The following BLOC1S1 variants were observed in gnomAD, a reference collection of about 807,000 sequenced individuals.
BLOC1S1 encodes the protein biogenesis of lysosome-related organelles complex 1 subunit 1.
Under a neutral mutation model 19.0 loss-of-function variants are expected in BLOC1S1, and 11 were observed. That is an observed-to-expected ratio of 0.58 (90% CI 0.37 to 0.96). The LOEUF (loss-of-function observed/expected upper bound fraction) is 0.96, where lower values mean the gene tolerates loss of function less well. Among genes scored for constraint, BLOC1S1 ranks in the 40% least tolerant of loss-of-function variants. The probability of loss-of-function intolerance (pLI) is 0.01; values close to 1 mark genes in which losing one functional copy is unlikely to be tolerated. For synonymous variants in BLOC1S1, 94 were observed against 76.4 expected (o/e 1.23, Z -1.20); for missense variants, 220 against 195.9 (o/e 1.12, Z -0.73).
chr12:55,719,701 G>A lies in BLOC1S1; in HGVS notation c.*92G>A, dbSNP rs17117921. 4,371 of 1,078,616 alleles carry A rather than the reference G, an allele frequency of 4.1e-3. 125 individuals are homozygous for A. The African/African-American group carries it at 0.059, about 15-fold the overall frequency. The allele number at this position is 1,078,616 out of a possible 1,614,324, so 66.8% of individuals were successfully genotyped here. A position where few individuals can be genotyped will look rare whatever the true frequency, so the allele number is the denominator to read the frequency against. ...AGCCTTGAATAAAACACAAGCCTCC[G>A]TTTCTCTGTGGTGTGTTTCAGAGAG... On this transcript the variant is annotated 3_prime_UTR_variant, in exon 4 of 4. Coordinates refer to ENST00000548925, the MANE Select transcript of BLOC1S1 (RefSeq NM_001487.4).
intron 3 of BLOC1S1, 96 bp downstream of exon 3, chr12:55,719,319 G>C: frequency 1.3e-6 from 2 of 1,593,726 alleles, no homozygotes; most frequent in Non-Finnish European, 1.7e-6. Context: ...AGGAAGTAGG[G>C]TGGTCCCAGA....
chr12:55,716,410 C>G, intron 1 of BLOC1S1: 1 of 1,386,168 alleles, frequency 7.2e-7, no homozygotes, highest in South Asian at 1.6e-5. Context: ...GTCCCCTCGG[C>G]AACGCCCCCA....
rs773196609 is a variant in BLOC1S1 at position 55,719,088 on chromosome 12, C to T, written c.219-3C>T. The T allele has an allele frequency of 3.6e-5, 58 of 1,613,628 alleles. No individual in the cohort carries two copies. Among genetic ancestry groups the T allele is most frequent in the Non-Finnish European group, 4.8e-5 (57 of 1,179,732 alleles). ...TGATCTCCTCCCTCCTCCAACCCCC[C>T]AGTGTGGCCCAGGCCTACATGAACC... On this transcript the variant is annotated splice_polypyrimidine_tract_variant and splice_region_variant and intron_variant, in intron 2 of 3. Coordinates refer to ENST00000548925, the MANE Select transcript of BLOC1S1 (RefSeq NM_001487.4).
rs780881380 is a variant in BLOC1S1, at chr12:55,716,133, A to T, written c.82A>T (p.Thr28Ser). 1.2e-6 allele frequency: 2 copies of T among 1,611,308 alleles called. No homozygotes were observed. Among genetic ancestry groups the T allele is most frequent in the Non-Finnish European group, 1.7e-6 (2 of 1,178,716 alleles). ...CGTACCCAGCCCCCAGCCCGACGTG[A>T]CCATGCTGTCCCGCCTCCTAAAAGA... ...PGVPSPQPDV[T>S]MLSRLLKEHQ... The change falls in exon 1 of 4, where the codon ACC (threonine) becomes TCC (serine). Residue 28 changes from threonine (T) to serine (S), a missense_variant. Physicochemically the swap from Thr to Ser is moderately conservative, Grantham distance 58. Transcript: ENST00000548925.
intron 3 of BLOC1S1, 32 bp from the exon 4 acceptor site, chr12:55,719,467 C>G: frequency 1.9e-6 from 3 of 1,596,318 alleles, no homozygotes; most frequent in Non-Finnish European, 2.6e-6. Flanking sequence ...CATTCTGATT[C>G]CTGGGCTCCC....
chr12:55,719,021 A>G (rs1876775041), intron 2 of BLOC1S1, 70 bp from the exon 3 acceptor site: 1 of 1,549,054 alleles, frequency 6.5e-7, no homozygotes, highest in Non-Finnish European at 8.7e-7. Flanking sequence ...CACTGCTGCA[A>G]TGGAATATTA....
chr12:55,719,680 T>TCCC lies in BLOC1S1; in HGVS notation c.*71_*72insCCC. ...GGGGAAGGAGGGAGGCTGACAAGCCTTGAATAAAACACAAGCCTCCGTTTC... is the reference window on the plus strand; with the variant it reads ...GGGGAAGGAGGGAGGCTGACAAGCCTCCCTGAATAAAACACAAGCCTCCGTTTC... On this transcript the variant is annotated 3_prime_UTR_variant, in exon 4 of 4. Transcript: ENST00000548925. 1 of 1,326,008 alleles carries TCCC rather than the reference T, an allele frequency of 7.5e-7. No individual in the cohort carries two copies. Among genetic ancestry groups the TCCC allele is most frequent in the Non-Finnish European group, 1.1e-6 (1 of 930,264 alleles). 82.1% of individuals were successfully genotyped at this position (1,326,008 alleles called of 1,614,324 possible). A position where few individuals can be genotyped will look rare whatever the true frequency, so the allele number is the denominator to read the frequency against.
intron 2 of BLOC1S1, 94 bp downstream of exon 2, chr12:55,717,099 G>A (rs1876617903): frequency 2.9e-6 from 3 of 1,044,686 alleles, no homozygotes; most frequent in Non-Finnish European, 4.1e-6. Flanking sequence ...TGTTGAAGGG[G>A]TGGGATGTTC....
intron 3 of BLOC1S1, 64 bp downstream of exon 3, chr12:55,719,287 T>C: frequency 6.2e-7 from 1 of 1,612,446 alleles, no homozygotes; most frequent in South Asian, 1.1e-5. Flanking sequence ...TCCAGTCAGG[T>C]TACCTCAGGT....
At chr12:55,718,627 G>A (rs1876750734) in intron 2 of BLOC1S1, among the ~76,000 whole-genome samples, 1 of 152,124 alleles carries the variant, frequency 6.6e-6, no homozygotes, top group African/African-American at 2.4e-5. Context: ...TTCCTGGGGA[G>A]GGGGTTTGTA....
chr12:55,718,051 T>A (rs1308145284), intron 2 of BLOC1S1, among the ~76,000 whole-genome samples: 2 of 152,194 alleles, frequency 1.3e-5, no homozygotes, highest in Non-Finnish European at 2.9e-5. Flanking sequence ...GGCCTTTCCC[T>A]CTTCTTTTCC....
At chr12:55,716,547 C>CA in intron 1 of BLOC1S1, 1 of 1,216,068 alleles carries the variant, frequency 8.2e-7, no homozygotes, top group South Asian at 2.1e-5. Context: ...GGGAACCCCC[C>CA]AGAGATGGGC....
intron 1 of BLOC1S1, chr12:55,716,513 C>A: frequency 3.2e-6 from 4 of 1,253,368 alleles, no homozygotes; most frequent in Non-Finnish European, 4.0e-6. Context: ...CGGGAAGGAG[C>A]GACTCTGGAG....
At chr12:55,716,776 C>T (rs1876578190) in intron 1 of BLOC1S1, 157 bp from the exon 2 acceptor site, 20 of 1,279,780 alleles carry the variant, frequency 1.6e-5, no homozygotes, top group Non-Finnish European at 2.0e-5. Flanking sequence ...AAAGAGGTTG[C>T]GCTATGTTTT....
chr12:55,718,219 C>A (rs1267959100), intron 2 of BLOC1S1, among the ~76,000 whole-genome samples: 2 of 152,252 alleles, frequency 1.3e-5, no homozygotes, highest in Admixed American at 6.5e-5. Flanking sequence ...TGCCCACTCC[C>A]TCAGCCCCCA....
intron 1 of BLOC1S1, 58 bp downstream of exon 1, chr12:55,716,254 G>C (rs1287838733): frequency 3.2e-6 from 5 of 1,556,966 alleles, no homozygotes; most frequent in Non-Finnish European, 4.3e-6. Context: ...CTTCAGCCCG[G>C]AGCCTGGATC....
intron 3 of BLOC1S1, 54 bp downstream of exon 3, chr12:55,719,277 T>C (rs1876794070): frequency 1.2e-6 from 2 of 1,613,388 alleles, no homozygotes; most frequent in Admixed American, 1.7e-5. Context: ...ATTGGCTGCC[T>C]CCAGTCAGGT....
In BLOC1S1 at chr12:55,719,636, C is replaced by T; in HGVS notation, c.*27C>T. 1 of 1,588,314 alleles carries T rather than the reference C, an allele frequency of 6.3e-7. No individual in the cohort carries two copies. Among genetic ancestry groups the T allele is most frequent in the Non-Finnish European group, 8.6e-7 (1 of 1,157,182 alleles). Reference sequence around the variant, plus strand: ...CCCTGTTCCCTCCCCCAACCCTATCCCTCCTACCTCACCCGCAGGGGGAAG... The same window carrying T: ...CCCTGTTCCCTCCCCCAACCCTATCTCTCCTACCTCACCCGCAGGGGGAAG... On this transcript the variant is annotated 3_prime_UTR_variant, in exon 4 of 4. Coordinates refer to ENST00000548925, the MANE Select transcript of BLOC1S1 (RefSeq NM_001487.4).
At position 55,719,650 on chromosome 12, in the gene BLOC1S1, C is replaced by T. The variant is rs771570557; in HGVS notation, c.*41C>T. On this transcript the variant is annotated 3_prime_UTR_variant, in exon 4 of 4. Coordinates refer to ENST00000548925, the MANE Select transcript of BLOC1S1 (RefSeq NM_001487.4). ...CCAACCCTATCCCTCCTACCTCACC[C>T]GCAGGGGGAAGGAGGGAGGCTGACA... The T allele has an allele frequency of 2.0e-5, 31 of 1,551,620 alleles. No individual in the cohort carries two copies. Among genetic ancestry groups the T allele is most frequent in the Middle Eastern group, 1.8e-4 (1 of 5,516 alleles).
Sources: gnomAD v4.1 joint callset for allele counts (sites outside exome capture counted in the v4.1 genomes callset) on GRCh38, gnomAD v4.1.1 for gene constraint, MANE v1.5 for transcripts, NCBI Gene and HGNC (gene_info 2026-07-23, HGNC 2026-07-21) for gene names.